Variants in MID1 observed in about 807,000 individuals in gnomAD.
MID1 encodes the protein midline 1.
MID1 carries 7 observed loss-of-function variants against 40.4 expected under a neutral mutation model. The observed-to-expected ratio is 0.17, with a 90% CI of 0.10 to 0.33. The LOEUF (loss-of-function observed/expected upper bound fraction) is 0.33, where lower values mean the gene tolerates loss of function less well. Among genes scored for constraint, MID1 ranks in the 10% least tolerant of loss-of-function variants. The pLI, the probability that MID1 is intolerant of heterozygous loss-of-function variation, is 1.00. For synonymous variants in MID1, 229 were observed against 221.2 expected (o/e 1.04, Z -0.31); for missense variants, 367 against 558.5 (o/e 0.66, Z 3.46).
At chrX:10,713,189 G>A (rs1398316179) in intron 1 of MID1, among the ~76,000 whole-genome samples, 2 of 111,928 alleles carry the variant, frequency 1.8e-5, no homozygotes. Context: ...GCTCAAGTTT[G>A]AGAACCACGC....
At chrX:10,455,207 C>T in intron 8 of MID1, 130 bp from the exon 9 acceptor site, 3 of 538,299 alleles carry the variant, frequency 5.6e-6, no homozygotes, top group Middle Eastern at 4.7e-4. Context: ...GTCATGCCTC[C>T]TATCACAAAG....
At chrX:10,817,597 TTTC>T (rs1296600558) in intron 1 of MID1, among the ~76,000 whole-genome samples, 2 of 104,363 alleles carry the variant, frequency 1.9e-5, no homozygotes, top group Non-Finnish European at 3.9e-5. Flanking sequence ...TCTCTCTCTC[TTTC>T]TTTTCTTTTT....
At chrX:10,445,330 TTTA>T (rs1226647881), downstream of MID1, 1 of 112,357 alleles carries the variant, frequency 8.9e-6, no homozygotes, top group African/African-American at 3.2e-5. Context: ...TAGGCTTTCT[TTTA>T]TTGTGTTTTA....
At chrX:10,647,333 A>G (rs904124210) in intron 1 of MID1, among the ~76,000 whole-genome samples, 5 of 111,484 alleles carry the variant, frequency 4.5e-5, no homozygotes, top group African/African-American at 6.5e-5. Flanking sequence ...TTAGCATCCC[A>G]TTCTATAGAA....
At chrX:10,550,984 C>T (rs1405656460) in intron 2 of MID1, among the ~76,000 whole-genome samples, 1 of 111,563 alleles carries the variant, frequency 9.0e-6, no homozygotes, top group Non-Finnish European at 1.9e-5. Flanking sequence ...TCCCGAGGTA[C>T]CTGTAGGGGA....
intron 1 of MID1, among the ~76,000 whole-genome samples, chrX:10,775,030 G>T (rs893813327): frequency 1.9e-5 from 2 of 107,353 alleles, no homozygotes; most frequent in Admixed American, 2.0e-4. Context: ...ATAATCAGTG[G>T]GTTTTTTGGA....
chrX:10,650,945 T>C (rs975169581), intron 1 of MID1, among the ~76,000 whole-genome samples: 6 of 111,543 alleles, frequency 5.4e-5, no homozygotes, highest in African/African-American at 2.0e-4. Flanking sequence ...GCAATCCCCT[T>C]ATAGCTGGAC....
chrX:10,809,093 C>A (rs1482337640), intron 1 of MID1, among the ~76,000 whole-genome samples: 2 of 111,852 alleles, frequency 1.8e-5, no homozygotes, highest in African/African-American at 6.5e-5. Context: ...AAAAAACAAA[C>A]AACCCCATCA....
In MID1 at chrX:10,519,843, G is replaced by A. The variant is rs139145876; in HGVS notation, c.756+3249C>T. On this transcript the variant is annotated intron_variant, in intron 3 of 9. Coordinates refer to ENST00000317552, the MANE Select transcript of MID1 (RefSeq NM_000381.4). ...GAGTTGGAAAAAGTTGCTAACTCAT[G>A]TGTTTCTCTTAGTAACCAGTTTTAC... Among the ~76,000 whole-genome samples the A allele has an allele frequency of 5.5e-4, 62 of 112,067 alleles. 1 individual carries two copies. In the East Asian group the frequency reaches 0.017, roughly 30 times the overall value.
intron 1 of MID1, among the ~76,000 whole-genome samples, chrX:10,617,377 C>A (rs979141059): frequency 5.4e-5 from 6 of 111,974 alleles, no homozygotes; most frequent in Admixed American, 9.5e-5. Flanking sequence ...AGCCAGATGT[C>A]CTTGGGCATT....
chrX:10,718,483 C>A (rs759360791), intron 1 of MID1, among the ~76,000 whole-genome samples: 43 of 111,738 alleles, frequency 3.8e-4, no homozygotes, highest in African/African-American at 1.3e-3. Flanking sequence ...TACACTCTCC[C>A]AAGACTAAAC....
intron 1 of MID1, among the ~76,000 whole-genome samples, chrX:10,745,328 C>T (rs996453993): frequency 1.8e-5 from 2 of 111,994 alleles, no homozygotes; most frequent in Admixed American, 9.4e-5. Flanking sequence ...GCTGCTTCTC[C>T]CCACCTCATT....
intron 1 of MID1, among the ~76,000 whole-genome samples, chrX:10,652,281 T>A (rs964475119): frequency 8.9e-6 from 1 of 111,846 alleles, no homozygotes; most frequent in Non-Finnish European, 1.9e-5. Context: ...AGAGGGCATT[T>A]AAGAGCCAAC....
In MID1 at chrX:10,481,521, C is replaced by A. The variant is rs1400475301; in HGVS notation, c.1013+959G>T. Reference sequence around the variant, plus strand: ...GTGGCACGATCTCGGCTCACTGCAACCTCCGCCTCCCAGGTTCAAGCAATT... The same window carrying A: ...GTGGCACGATCTCGGCTCACTGCAAACTCCGCCTCCCAGGTTCAAGCAATT... On this transcript the variant is annotated intron_variant, in intron 5 of 9. Transcript: ENST00000317552. 2.7e-5 allele frequency among the ~76,000 whole-genome samples: 3 copies of A among 112,076 alleles called. No individual in the cohort carries two copies. In the Admixed American group the frequency reaches 2.8e-4, roughly 11 times the overall value.
intron 2 of MID1, among the ~76,000 whole-genome samples, chrX:10,564,346 G>A (rs1394630528): frequency 3.6e-5 from 4 of 112,228 alleles, no homozygotes; most frequent in Non-Finnish European, 5.6e-5. Context: ...ATAAGTATGC[G>A]ATAACTGAAA....
intron 2 of MID1, among the ~76,000 whole-genome samples, chrX:10,558,549 T>C (rs1299189128): frequency 8.8e-6 from 1 of 113,009 alleles, no homozygotes; most frequent in Admixed American, 9.4e-5. Context: ...CAATATATAC[T>C]CTTATCTCAC....
rs574073455 is a variant in MID1 at position 10,788,620 on chromosome X, G to A, written c.-187+44934C>T. Among the ~76,000 whole-genome samples, 9 of 110,820 alleles carry A rather than the reference G, an allele frequency of 8.1e-5. No individual in the cohort carries two copies. In the South Asian group the frequency reaches 3.1e-3, roughly 38 times the overall value. On this transcript the variant is annotated intron_variant, in intron 1 of 10. Transcript: ENST00000380785. ...CCAACTGGGGTGGGGGTGGGGTACT[G>A]TGCCACCCAGGGATTTTCAGCAATA...
chrX:10,726,615 G>A (rs7065888), intron 1 of MID1, among the ~76,000 whole-genome samples: 14,173 of 111,921 alleles, frequency 0.13, 1,582 homozygotes, highest in African/African-American at 0.36. Context: ...AAAATTGTAT[G>A]AGTGACAATT....
At chrX:10,738,472 G>A (rs1158041400) in intron 1 of MID1, among the ~76,000 whole-genome samples, 2 of 111,793 alleles carry the variant, frequency 1.8e-5, no homozygotes, top group East Asian at 2.8e-4. Context: ...AGGACTCTTC[G>A]TCTGGGGTCT....
Sources: gnomAD v4.1 joint callset for allele counts (sites outside exome capture counted in the v4.1 genomes callset) on GRCh38, gnomAD v4.1.1 for gene constraint, MANE v1.5 for transcripts, NCBI Gene and HGNC (gene_info 2026-07-23, HGNC 2026-07-21) for gene names.